HNF4A: variants seen among roughly 807,000 people sequenced by gnomAD.
HNF4A encodes the protein hepatocyte nuclear factor 4 alpha, also known as hepatocyte nuclear factor 4-alpha.
A neutral mutation model predicts 52.4 loss-of-function variants in HNF4A; 15 were observed. That is an observed-to-expected ratio of 0.29 (90% CI 0.19 to 0.44). The LOEUF (loss-of-function observed/expected upper bound fraction) is 0.44, where lower values mean the gene tolerates loss of function less well. HNF4A is among the 20% of genes least tolerant of loss of function. The pLI is 1.00. For synonymous variants in HNF4A, 280 were observed against 264.4 expected, an observed-to-expected ratio of 1.06 and a Z score of -0.57; for missense variants, 479 against 647.2, an observed-to-expected ratio of 0.74 and a Z score of 2.82.
At chr20:44,394,447 G>C (rs986373763) in intron 1 of HNF4A, among the ~76,000 whole-genome samples, 6 of 152,182 alleles carry the variant, frequency 3.9e-5, no homozygotes, top group Admixed American at 2.0e-4. Context: ...AGCTGGGCCT[G>C]TGGATGCATA....
rs777271181 is a variant in HNF4A, at chr20:44,406,059, C to T, written c.117C>T (p.Asp39=). 1 of 1,612,148 alleles carries T rather than the reference C, an allele frequency of 6.2e-7. No homozygotes were observed. ...TCACTCCCTTCTCTCCTGGCGCAGA[C>T]ACGTCCCCATCAGAAGGCACCAACC... Residue 39 remains aspartate (D), a splice_region_variant and synonymous_variant, in exon 2 of 10, where the codon GAC becomes GAT. Coordinates refer to ENST00000316099, the MANE Select transcript of HNF4A (RefSeq NM_000457.6).
At chr20:44,391,342 G>C (rs1223604225) in intron 1 of HNF4A, 1 of 152,358 alleles carries the variant, frequency 6.6e-6, no homozygotes, top group East Asian at 1.9e-4. Flanking sequence ...TCCCTATCTG[G>C]ATGACTTGGG....
At chr20:44,388,090 A>ATT (rs374784729) in intron 1 of HNF4A, among the ~76,000 whole-genome samples, 1 of 134,618 alleles carries the variant, frequency 7.4e-6, no homozygotes, top group Non-Finnish European at 1.6e-5. Context: ...CCACACATTA[A>ATT]TTTTTTTTTT....
intron 1 of HNF4A, among the ~76,000 whole-genome samples, chr20:44,362,179 G>A (rs1855071637): frequency 6.6e-6 from 1 of 151,984 alleles, no homozygotes; most frequent in African/African-American, 2.4e-5. Flanking sequence ...CAGCACTTTG[G>A]GAGGCTAAGG....
Position 44,368,086 on chromosome 20 carries a change from A to ATGTGTG in HNF4A, c.49+12253_49+12258dup, listed in dbSNP as rs544910153. On this transcript the variant is annotated intron_variant, in intron 1 of 9. Coordinates refer to the HNF4A transcript ENST00000316673. ...TTTTGAGACATAAATATATATATATATGTGTGTGTGTGTGTGTGTGTGTGT... is the reference window on the plus strand; with the variant it reads ...TTTTGAGACATAAATATATATATATATGTGTGTGTGTGTGTGTGTGTGTGTGTGTGT... Among the ~76,000 whole-genome samples, 733 of 102,228 alleles carry ATGTGTG rather than the reference A, an allele frequency of 7.2e-3. 6 individuals carry two copies. Among genetic ancestry groups the ATGTGTG allele is most frequent in the Middle Eastern group, 0.025 (5 of 202 alleles). 67.1% of individuals were successfully genotyped at this position (102,228 alleles called of 152,430 possible).
chr20:44,414,360 T>C, intron 4 of HNF4A, 147 bp from the exon 5 acceptor site: 1 of 1,142,550 alleles, frequency 8.8e-7, no homozygotes, highest in East Asian at 2.4e-5. Flanking sequence ...CCTCCGTTTT[T>C]ACCCTGAGCT....
chr20:44,418,436 C>T lies in HNF4A; in HGVS notation c.660C>T (p.Leu220=). The change falls in exon 6 of 10, where the codon CTC becomes CTT. Residue 220 remains leucine (L), a synonymous_variant. Transcript: ENST00000316099. The stretch of plus-strand genomic sequence containing the variant: ...CTTCTCTCTTTCAGGTGGCCCTGCT[C>T]AGAGCCCATGCTGGCGAGCACCTGC... The T allele has an allele frequency of 1.9e-6, 3 of 1,613,986 alleles. No individual in the cohort carries two copies. Among genetic ancestry groups the T allele is most frequent in the Non-Finnish European group, 2.5e-6 (3 of 1,179,918 alleles).
intron 1 of HNF4A, among the ~76,000 whole-genome samples, chr20:44,375,847 T>C (rs2063079484): frequency 6.6e-6 from 1 of 152,218 alleles, no homozygotes; most frequent in African/African-American, 2.4e-5. Context: ...GGGCCCTGAA[T>C]TAGTTTCAAG....
intron 3 of HNF4A, among the ~76,000 whole-genome samples, chr20:44,411,971 C>G (rs556832904): frequency 1.2e-4 from 18 of 151,730 alleles, no homozygotes; most frequent in African/African-American, 3.6e-4. Flanking sequence ...GCAGGAGGAT[C>G]GCTTGAGCCC....
chr20:44,370,151 C>G (rs909848436), intron 1 of HNF4A, among the ~76,000 whole-genome samples: 17 of 152,222 alleles, frequency 1.1e-4, no homozygotes, highest in Non-Finnish European at 1.9e-4. Context: ...CTCAGCCCCC[C>G]CAAGTAGCTG....
chr20:44,368,225 G>A (rs2062994706), intron 1 of HNF4A, among the ~76,000 whole-genome samples: 1 of 135,686 alleles, frequency 7.4e-6, no homozygotes, highest in East Asian at 2.2e-4. Flanking sequence ...GGAGTGCGGT[G>A]GTACCATCTT....
Position 44,414,581 on chromosome 20 carries a change from G to A in HNF4A, c.567G>A (p.Glu189=). 2 of 1,614,210 alleles carry A rather than the reference G, an allele frequency of 1.2e-6. No individual in the cohort carries two copies. The highest frequency in any genetic ancestry group is 1.7e-6 in the Non-Finnish European group (2 of 1,180,028). Residue 189 remains glutamate, a synonymous_variant, in exon 5 of 10, where the codon GAG becomes GAA. Coordinates refer to ENST00000316099, the MANE Select transcript of HNF4A (RefSeq NM_000457.6). ...TTGCCAGCATCGCAGATGTGTGTGAGTCCATGAAGGAGCAGCTGCTGGTTC... is the reference window on the plus strand; with the variant it reads ...TTGCCAGCATCGCAGATGTGTGTGAATCCATGAAGGAGCAGCTGCTGGTTC...
chr20:44,392,635 T>G (rs1222306800), intron 1 of HNF4A, among the ~76,000 whole-genome samples: 1 of 152,200 alleles, frequency 6.6e-6, no homozygotes, highest in East Asian at 1.9e-4. Context: ...TAAGCCACCA[T>G]GTTCGGCCAA....
intron 8 of HNF4A, 50 bp from the exon 9 acceptor site, chr20:44,428,285 G>A (rs745400412): frequency 6.9e-6 from 11 of 1,604,208 alleles, no homozygotes; most frequent in East Asian, 2.2e-5. Context: ...CCCAAGGCCT[G>A]AGGTCTGCAT....
intron 1 of HNF4A, among the ~76,000 whole-genome samples, chr20:44,382,546 G>A (rs1181769222): frequency 6.6e-6 from 1 of 152,108 alleles, no homozygotes; most frequent in Non-Finnish European, 1.5e-5. Context: ...TCGGCCTAAG[G>A]GGCATAGCTT....
intron 1 of HNF4A, among the ~76,000 whole-genome samples, chr20:44,401,886 G>A (rs563865165): frequency 4.7e-4 from 71 of 152,102 alleles, no homozygotes; most frequent in African/African-American, 1.7e-3. Context: ...TCAGAGAGAC[G>A]GCAAGGGATG....
intron 1 of HNF4A, among the ~76,000 whole-genome samples, chr20:44,362,553 C>G (rs2062928520): frequency 6.6e-6 from 1 of 151,964 alleles, no homozygotes; most frequent in Non-Finnish European, 1.5e-5. Flanking sequence ...TTCATTTAAG[C>G]CCCTTTTATG....
chr20:44,413,874 C>G, intron 4 of HNF4A, 74 bp downstream of exon 4: 1 of 1,001,852 alleles, frequency 1.0e-6, no homozygotes, highest in Admixed American at 1.9e-5. Flanking sequence ...CACCTCCATT[C>G]TCCCCAGCCA....
At chr20:44,416,543 G>A (rs1432507041) in intron 5 of HNF4A, among the ~76,000 whole-genome samples, 1 of 152,232 alleles carries the variant, frequency 6.6e-6, no homozygotes, top group East Asian at 1.9e-4. Context: ...AGCATCCTCG[G>A]CCTCCCTCCA....
Sources: allele counts gnomAD v4.1 joint callset (sites outside exome capture counted in the v4.1 genomes callset), GRCh38; gene constraint gnomAD v4.1.1; transcripts MANE v1.5; gene names NCBI Gene and HGNC (gene_info 2026-07-23, HGNC 2026-07-21).